RBFOX1: variants seen among roughly 807,000 people sequenced by gnomAD.
The protein encoded by RBFOX1 is RNA binding fox-1 homolog 1.
RBFOX1 carries 8 observed loss-of-function variants against 57.7 expected under a neutral mutation model. The ratio of observed to expected loss-of-function variants is 0.14; its 90% CI spans 0.08 to 0.25. The LOEUF (loss-of-function observed/expected upper bound fraction) is 0.25. RBFOX1 is among the 10% of genes least tolerant of loss of function. RBFOX1 has a pLI of 1.00. For synonymous variants in RBFOX1, 326 were observed against 222.4 expected, an observed-to-expected ratio of 1.47 and a Z score of -4.15; for missense variants, 611 against 548.5, an observed-to-expected ratio of 1.11 and a Z score of -1.14.
At chr16:5,455,206 C>G (rs1356515099) in intron 1 of RBFOX1, among the ~76,000 whole-genome samples, 2 of 151,782 alleles carry the variant, frequency 1.3e-5, no homozygotes, top group Non-Finnish European at 2.9e-5. Context: ...GAAGACTAGG[C>G]CCAGCTGGGG....
In RBFOX1 at chr16:7,305,968, C is replaced by T. The variant is rs1002375501; in HGVS notation, c.28-212179C>T. Among the ~76,000 whole-genome samples, 92 of 152,058 alleles carry T rather than the reference C, an allele frequency of 6.1e-4. 2 individuals carry two copies. The highest frequency in any genetic ancestry group is 3.3e-4 in the Admixed American group (5 of 15,250). On this transcript the variant is annotated intron_variant, in intron 4 of 15. Transcript: ENST00000550418. ...CATGTGCGTTTTATACCAGTTATTT[C>T]CACCGGAAGAAAATTCTAATGAGCA...
intron 3 of RBFOX1, among the ~76,000 whole-genome samples, chr16:6,759,908 G>C (rs534350936): frequency 6.6e-6 from 1 of 152,224 alleles, no homozygotes; most frequent in Non-Finnish European, 1.5e-5. Flanking sequence ...GGCTACAGTG[G>C]AATTCTCATT....
intron 3 of RBFOX1, among the ~76,000 whole-genome samples, chr16:6,656,219 A>C (rs2098650408): frequency 6.6e-6 from 1 of 152,154 alleles, no homozygotes; most frequent in Admixed American, 6.6e-5. Flanking sequence ...AGTGTTTAGA[A>C]AGCATGTTCC....
chr16:6,250,167 G>C (rs1175894039), intron 1 of RBFOX1, among the ~76,000 whole-genome samples: 1 of 152,112 alleles, frequency 6.6e-6, no homozygotes, highest in Non-Finnish European at 1.5e-5. Context: ...CTGTTGCTTA[G>C]TTGCTTGCTT....
chr16:5,326,759 A>G (rs555097605), intron 1 of RBFOX1, among the ~76,000 whole-genome samples: 2 of 152,218 alleles, frequency 1.3e-5, no homozygotes, highest in Non-Finnish European at 2.9e-5. Flanking sequence ...GATGTCTGGC[A>G]ATGAATGGAG....
At chr16:7,112,851 T>C (rs1385942928) in intron 4 of RBFOX1, among the ~76,000 whole-genome samples, 5 of 152,136 alleles carry the variant, frequency 3.3e-5, no homozygotes, top group Non-Finnish European at 7.3e-5. Flanking sequence ...GGAATATTAG[T>C]AATGACAGCA....
chr16:5,778,354 C>T (rs1324222150), intron 3 of RBFOX1, among the ~76,000 whole-genome samples: 3 of 152,170 alleles, frequency 2.0e-5, no homozygotes, highest in Admixed American at 6.5e-5. Context: ...ACAGGACCCC[C>T]GACCTGGCTA....
chr16:7,195,569 A>G (rs9806941), intron 4 of RBFOX1, among the ~76,000 whole-genome samples: 4,035 of 152,004 alleles, frequency 0.027, 85 homozygotes, highest in Non-Finnish European at 0.046. Context: ...TTGTTTGTTT[A>G]TTTATTGAGA....
chr16:7,303,249 G>A (rs535688647), intron 4 of RBFOX1, among the ~76,000 whole-genome samples: 20 of 152,354 alleles, frequency 1.3e-4, no homozygotes, highest in African/African-American at 4.3e-4. Context: ...ACGCCCGGGG[G>A]TGCATCGGCG....
At chr16:7,471,116 A>G (rs369831525) in intron 4 of RBFOX1, among the ~76,000 whole-genome samples, 2 of 152,146 alleles carry the variant, frequency 1.3e-5, no homozygotes, top group East Asian at 3.9e-4. Context: ...TAACCACAGT[A>G]ACTACGTCTT....
At chr16:5,800,256 A>C (rs573569300) in intron 3 of RBFOX1, among the ~76,000 whole-genome samples, 1 of 152,316 alleles carries the variant, frequency 6.6e-6, no homozygotes, top group East Asian at 1.9e-4. Flanking sequence ...AATGGTGTGT[A>C]GCCTAATTTT....
intron 1 of RBFOX1, among the ~76,000 whole-genome samples, chr16:6,285,257 G>A (rs891836700): frequency 6.6e-6 from 1 of 152,232 alleles, no homozygotes; most frequent in East Asian, 1.9e-4. Context: ...AGTAGATTCT[G>A]CATAAGCCTC....
At chr16:6,651,444 G>A (rs1358517184) in intron 2 of RBFOX1, among the ~76,000 whole-genome samples, 1 of 152,070 alleles carries the variant, frequency 6.6e-6, no homozygotes, top group Non-Finnish European at 1.5e-5. Context: ...GACTCCTGTG[G>A]TAGCCCCCAA....
chr16:7,164,048 AT>A (rs1567528171), intron 4 of RBFOX1, among the ~76,000 whole-genome samples: 2 of 152,032 alleles, frequency 1.3e-5, no homozygotes, highest in Non-Finnish European at 2.9e-5. Flanking sequence ...GATTTCTGAG[AT>A]TTTGGTGCAC....
chr16:5,690,898 T>A lies in RBFOX1; in HGVS notation c.318+91937T>A, dbSNP rs143001512. ...TATGCCAACAAAACCCTGATTTGTT[T>A]GGGGGAACTGCTCATTCCCAGTAGG... is the stretch of plus-strand genomic sequence containing the variant. On this transcript the variant is annotated intron_variant, in intron 3 of 19. Coordinates refer to the RBFOX1 transcript ENST00000641259. Among the ~76,000 whole-genome samples the A allele has an allele frequency of 4.7e-3, 721 of 152,238 alleles. 3 individuals are homozygous for A. The highest frequency in any genetic ancestry group is 8.1e-3 in the Non-Finnish European group (554 of 68,020).
chr16:7,355,345 C>T (rs2097196268), intron 4 of RBFOX1, among the ~76,000 whole-genome samples: 1 of 152,144 alleles, frequency 6.6e-6, no homozygotes, highest in African/African-American at 2.4e-5. Flanking sequence ...TTTCTCAGGA[C>T]AGTTTCAAGA....
chr16:6,745,651 T>C (rs1439198670), intron 3 of RBFOX1, among the ~76,000 whole-genome samples: 1 of 152,200 alleles, frequency 6.6e-6, no homozygotes, highest in African/African-American at 2.4e-5. Flanking sequence ...TTGGTCAATA[T>C]GATAAAAGGC....
At chr16:6,487,238 A>G (rs183298224) in intron 2 of RBFOX1, among the ~76,000 whole-genome samples, 292 of 151,996 alleles carry the variant, frequency 1.9e-3, no homozygotes, top group Middle Eastern at 3.4e-3. Flanking sequence ...TGATTCAGCA[A>G]AACTAGGTTA....
intron 4 of RBFOX1, among the ~76,000 whole-genome samples, chr16:7,350,782 G>A (rs999319822): frequency 1.3e-5 from 2 of 152,178 alleles, no homozygotes; most frequent in Admixed American, 1.3e-4. Context: ...AAAAATCACA[G>A]TGTTAATGGA....
Sources: allele counts gnomAD v4.1 joint callset (sites outside exome capture counted in the v4.1 genomes callset), GRCh38; gene constraint gnomAD v4.1.1; transcripts MANE v1.5; gene names NCBI Gene and HGNC (gene_info 2026-07-23, HGNC 2026-07-21).